The following PIK3CB variants were observed in gnomAD, a reference collection of about 807,000 sequenced individuals.
The protein encoded by PIK3CB is phosphatidylinositol 4,5-bisphosphate 3-kinase catalytic subunit beta isoform.
PIK3CB carries 39 observed loss-of-function variants against 136.8 expected under a neutral mutation model. That is an observed-to-expected ratio of 0.29 (90% confidence interval 0.22 to 0.37). PIK3CB has a LOEUF of 0.37. Ranked by LOEUF, PIK3CB falls within the 10% of genes least tolerant of loss-of-function variation. The probability of loss-of-function intolerance (pLI) is 1.00; values close to 1 mark genes in which losing one functional copy is unlikely to be tolerated. For missense variants in PIK3CB, 868 were observed against 1,275.4 expected, an observed-to-expected ratio of 0.68 and a Z score of 4.87; for synonymous variants, 428 against 436.6, an observed-to-expected ratio of 0.98 and a Z score of 0.25.
At chr3:138,804,797 G>A (rs2046212952) in intron 1 of PIK3CB, among the ~76,000 whole-genome samples, 2 of 152,142 alleles carry the variant, frequency 1.3e-5, no homozygotes, top group Admixed American at 1.3e-4. Context: ...GGCCAAGGTG[G>A]GCGGATCACG....
chr3:138,710,952 T>C (rs1390018000), intron 10 of PIK3CB, among the ~76,000 whole-genome samples: 2 of 151,644 alleles, frequency 1.3e-5, no homozygotes, highest in Non-Finnish European at 2.9e-5. Flanking sequence ...GGTGTGGTGG[T>C]GGACACCTGT....
chr3:138,762,302 A>T (rs920059191), intron 2 of PIK3CB, among the ~76,000 whole-genome samples: 2 of 152,176 alleles, frequency 1.3e-5, no homozygotes, highest in African/African-American at 4.8e-5. Context: ...AATCTGGGAA[A>T]TTTAAATATG....
At chr3:138,823,459 C>G (rs1246098319) in intron 1 of PIK3CB, among the ~76,000 whole-genome samples, 1 of 150,606 alleles carries the variant, frequency 6.6e-6, no homozygotes. Context: ...AATCCCAGCA[C>G]TTTGGGAGGT....
Position 138,734,814 on chromosome 3 carries a change from C to T in PIK3CB, c.802-10G>A. ...CACAGTTCCGGATATACTATAGGGG[C>T]AAGAAAGGGGAAGGTATTGATTTTC... is the stretch of plus-strand genomic sequence containing the variant. On this transcript the variant is annotated splice_polypyrimidine_tract_variant and intron_variant, in intron 6 of 23. Transcript: ENST00000674063. 1.9e-6 allele frequency: 3 copies of T among 1,565,582 alleles called. No homozygotes were observed. Among genetic ancestry groups the T allele is most frequent in the South Asian group, 1.2e-5 (1 of 83,084 alleles).
At chr3:138,723,454 G>A (rs1194050935) in intron 8 of PIK3CB, among the ~76,000 whole-genome samples, 3 of 152,176 alleles carry the variant, frequency 2.0e-5, no homozygotes, top group African/African-American at 7.2e-5. Flanking sequence ...AGGAGGCTGA[G>A]GTGGAAGGAT....
intron 13 of PIK3CB, among the ~76,000 whole-genome samples, chr3:138,696,477 T>G (rs945814280): frequency 2.0e-5 from 3 of 152,144 alleles, no homozygotes; most frequent in African/African-American, 7.2e-5. Flanking sequence ...TGAGCCACCA[T>G]ACCCAGCCTA....
intron 1 of PIK3CB, chr3:138,825,874 T>C (rs1335623180): frequency 6.1e-6 from 9 of 1,485,584 alleles, no homozygotes; most frequent in Non-Finnish European, 8.3e-6. Context: ...TGGACTTCAA[T>C]GTCAAGAATG....
intron 19 of PIK3CB, among the ~76,000 whole-genome samples, chr3:138,676,491 C>A (rs1409413400): frequency 1.3e-5 from 2 of 152,186 alleles, no homozygotes; most frequent in Non-Finnish European, 2.9e-5. Flanking sequence ...ATTTAAAACA[C>A]AGATTGACTC....
intron 11 of PIK3CB, among the ~76,000 whole-genome samples, chr3:138,706,047 T>C (rs1205258083): frequency 6.6e-6 from 1 of 152,240 alleles, no homozygotes; most frequent in Non-Finnish European, 1.5e-5. Flanking sequence ...CCATGGTGCC[T>C]GGCTCCTAAA....
intron 13 of PIK3CB, among the ~76,000 whole-genome samples, chr3:138,698,026 C>A (rs1331000292): frequency 6.6e-6 from 1 of 152,172 alleles, no homozygotes; most frequent in Admixed American, 6.5e-5. Flanking sequence ...TGCTACCATG[C>A]CTGGCTCCAA....
At chr3:138,755,188 T>C (rs1017437671) in intron 4 of PIK3CB, among the ~76,000 whole-genome samples, 3 of 152,258 alleles carry the variant, frequency 2.0e-5, no homozygotes, top group Non-Finnish European at 4.4e-5. Context: ...AAAGTCTTGG[T>C]TGGCATAGAG....
chr3:138,808,119 T>A lies in PIK3CB; in HGVS notation c.-121-11552A>T, dbSNP rs1208989758. Among the ~76,000 whole-genome samples, 3 of 152,262 alleles carry A rather than the reference T, an allele frequency of 2.0e-5. No homozygotes were observed. In the South Asian group the frequency reaches 6.2e-4, roughly 32 times the overall value. On this transcript the variant is annotated intron_variant, in intron 1 of 23. Transcript: ENST00000674063. ...TTTATTTTCTCCCTATGACATATGG[T>A]ATTTGAATTCCAAAATTAACAGAGC...
At chr3:138,685,864 T>G (rs986030386) in intron 16 of PIK3CB, among the ~76,000 whole-genome samples, 4 of 152,078 alleles carry the variant, frequency 2.6e-5, no homozygotes, top group Admixed American at 6.6e-5. Flanking sequence ...AGGCTGGGTG[T>G]GATGGCTCAC....
At chr3:138,679,748 A>AATTATTATTATTATTATT (rs59677449) in intron 19 of PIK3CB, among the ~76,000 whole-genome samples, 27 of 141,434 alleles carry the variant, frequency 1.9e-4, no homozygotes, top group Middle Eastern at 3.3e-3. Flanking sequence ...ATGCCTGGCT[A>AATTATTATTATTATTATT]ATTATTATTA....
intron 8 of PIK3CB, among the ~76,000 whole-genome samples, chr3:138,715,344 A>T (rs951416680): frequency 1.3e-5 from 2 of 152,200 alleles, no homozygotes; most frequent in African/African-American, 4.8e-5. Flanking sequence ...GCAGTTTTTT[A>T]AAATATATGA....
At chr3:138,675,056 T>TCAAAA (rs765542383) in intron 19 of PIK3CB, among the ~76,000 whole-genome samples, 25 of 151,780 alleles carry the variant, frequency 1.6e-4, no homozygotes, top group South Asian at 6.3e-4. Flanking sequence ...AGACCCTATC[T>TCAAAA]CAAAACAAAA....
intron 19 of PIK3CB, among the ~76,000 whole-genome samples, chr3:138,681,661 A>T (rs2043785065): frequency 6.6e-6 from 1 of 152,174 alleles, no homozygotes; most frequent in African/African-American, 2.4e-5. Context: ...TGGCCTTGTC[A>T]TTGCCATGAC....
At chr3:138,818,285 A>G (rs1207782206) in intron 1 of PIK3CB, among the ~76,000 whole-genome samples, 1 of 152,144 alleles carries the variant, frequency 6.6e-6, no homozygotes, top group Non-Finnish European at 1.5e-5. Context: ...CTCTCGCTCA[A>G]AACCCAATAT....
At position 138,701,611 on chromosome 3, in the gene PIK3CB, C is replaced by G. The variant is rs375081928; in HGVS notation, c.1582-2516G>C. ...ACCATCCTGGCCAACATGGTGAAAC[C>G]CCATCTCTACTAAAATACAAAAAAT... On this transcript the variant is annotated intron_variant, in intron 12 of 23. Transcript: ENST00000674063. Among the ~76,000 whole-genome samples, 5 of 151,616 alleles carry G rather than the reference C, an allele frequency of 3.3e-5. No individual in the cohort carries two copies. In the South Asian group the frequency reaches 1.0e-3, roughly 32 times the overall value.
Sources: allele counts gnomAD v4.1 joint callset (sites outside exome capture counted in the v4.1 genomes callset), GRCh38; gene constraint gnomAD v4.1.1; transcripts MANE v1.5; gene names NCBI Gene and HGNC (gene_info 2026-07-23, HGNC 2026-07-21).